ATRNL1: variants seen among roughly 807,000 people sequenced by gnomAD.
ATRNL1 encodes the protein attractin-like protein 1.
ATRNL1 carries 95 observed loss-of-function variants against 182.7 expected under a neutral mutation model. The observed-to-expected ratio is 0.52, with a 90% CI of 0.44 to 0.62. ATRNL1 has a LOEUF of 0.62. Ranked by LOEUF, ATRNL1 falls within the 20% of genes least tolerant of loss-of-function variation. ATRNL1 has a pLI of 0.00. For synonymous variants in ATRNL1, 576 were observed against 568.3 expected (o/e 1.01, Z -0.19); for missense variants, 1,471 against 1,679.5 (o/e 0.88, Z 2.17).
intron 28 of ATRNL1, among the ~76,000 whole-genome samples, chr10:115,868,489 CT>C (rs1269982695): frequency 1.5e-4 from 23 of 152,310 alleles, no homozygotes; most frequent in Middle Eastern, 3.4e-3. Context: ...CGAGGGCCAT[CT>C]TTCTTTATCA....
At chr10:115,261,804 G>C in intron 10 of ATRNL1, among the ~76,000 whole-genome samples, 1 of 152,054 alleles carries the variant, frequency 6.6e-6, no homozygotes, top group East Asian at 1.9e-4. Flanking sequence ...TGAGGCAGGA[G>C]GATTGCTTGA....
chr10:115,796,583 A>G (rs1303311279), intron 27 of ATRNL1, among the ~76,000 whole-genome samples: 3 of 152,200 alleles, frequency 2.0e-5, no homozygotes, highest in Non-Finnish European at 4.4e-5. Context: ...GGTAGGTAGC[A>G]GTGCAATAAA....
intron 28 of ATRNL1, among the ~76,000 whole-genome samples, chr10:115,930,804 A>C (rs1953372709): frequency 6.6e-6 from 1 of 152,056 alleles, no homozygotes; most frequent in African/African-American, 2.4e-5. Flanking sequence ...GATTATTCTA[A>C]CTCTCTAGAA....
chr10:115,426,492 A>G (rs904069724), intron 21 of ATRNL1, among the ~76,000 whole-genome samples, 190 bp downstream of exon 21: 1 of 152,122 alleles, frequency 6.6e-6, no homozygotes, highest in Non-Finnish European at 1.5e-5. Flanking sequence ...CATTTTTTCT[A>G]CTCTGAGCAG....
intron 28 of ATRNL1, among the ~76,000 whole-genome samples, chr10:115,886,407 G>A (rs987589017): frequency 2.0e-5 from 3 of 152,094 alleles, no homozygotes; most frequent in East Asian, 1.9e-4. Context: ...CCAGCTACTC[G>A]GGAGGCAGAG....
intron 26 of ATRNL1, among the ~76,000 whole-genome samples, chr10:115,556,167 CATT>C (rs1159568709): frequency 4.6e-5 from 7 of 151,992 alleles, no homozygotes; most frequent in Non-Finnish European, 1.0e-4. Flanking sequence ...ATGACACAAT[CATT>C]ATTTGATGTA....
intron 28 of ATRNL1, among the ~76,000 whole-genome samples, chr10:115,870,406 A>G (rs1555105819): frequency 6.6e-6 from 1 of 152,236 alleles, no homozygotes; most frequent in African/African-American, 2.4e-5. Flanking sequence ...ATCCTTTTGC[A>G]TATGAAGGGC....
intron 26 of ATRNL1, among the ~76,000 whole-genome samples, chr10:115,578,227 G>A (rs1854848500): frequency 1.3e-5 from 2 of 151,770 alleles, no homozygotes; most frequent in South Asian, 4.1e-4. Context: ...TTCTCGTGAT[G>A]TCTCTGTCAG....
At chr10:115,633,479 A>G (rs1044811758) in intron 26 of ATRNL1, among the ~76,000 whole-genome samples, 3 of 152,210 alleles carry the variant, frequency 2.0e-5, no homozygotes, top group East Asian at 3.9e-4. Flanking sequence ...ATAAGAATTT[A>G]TAGTTATTTC....
intron 27 of ATRNL1, among the ~76,000 whole-genome samples, chr10:115,742,308 A>C (rs1948162374): frequency 6.6e-6 from 1 of 152,168 alleles, no homozygotes; most frequent in African/African-American, 2.4e-5. Flanking sequence ...AAAGCAGAGA[A>C]AGGATCAAGA....
chr10:115,258,424 T>G (rs575953976), intron 10 of ATRNL1, among the ~76,000 whole-genome samples: 19 of 152,164 alleles, frequency 1.2e-4, no homozygotes, highest in Non-Finnish European at 2.6e-4. Context: ...AACTTGTGCA[T>G]GCGTCATGAA....
Position 115,286,391 on chromosome 10 carries a change from A to C in ATRNL1, c.2409A>C (p.Thr803=). 1 of 1,524,152 alleles carries C rather than the reference A, an allele frequency of 6.6e-7. No homozygotes were observed. The allele number at this position is 1,524,152 out of a possible 1,614,324, so 94.4% of individuals were successfully genotyped here. The change falls in exon 15 of 29, where the codon ACA becomes ACC. Residue 803 remains threonine (T), a synonymous_variant. Coordinates refer to ENST00000355044, the MANE Select transcript of ATRNL1 (RefSeq NM_207303.4). ...TTCTGGATGAAATACAGAAGTATAC[A>C]CAACAGGTAACATTTCTACTTGTTT... ...EFVLDEIQKY[T]QQKVSPWVGL...
At chr10:115,473,540 C>A (rs1296322415) in intron 24 of ATRNL1, among the ~76,000 whole-genome samples, 1 of 151,108 alleles carries the variant, frequency 6.6e-6, no homozygotes, top group Non-Finnish European at 1.5e-5. Context: ...ATTTTCTTTT[C>A]TTGTAGTCTC....
intron 25 of ATRNL1, among the ~76,000 whole-genome samples, chr10:115,540,762 A>T (rs1481870681): frequency 1.1e-5 from 1 of 94,020 alleles, no homozygotes; most frequent in African/African-American, 3.7e-5. Context: ...CGTCTAAAAA[A>T]AAAAAAAAAA....
intron 5 of ATRNL1, among the ~76,000 whole-genome samples, chr10:115,132,870 A>G (rs1263589699): frequency 3.9e-5 from 6 of 152,108 alleles, no homozygotes; most frequent in Non-Finnish European, 8.8e-5. Context: ...ATTTTCTCCC[A>G]TTCTGTAGGT....
intron 20 of ATRNL1, among the ~76,000 whole-genome samples, chr10:115,403,171 C>G (rs1176648158): frequency 1.3e-5 from 2 of 150,474 alleles, no homozygotes. Context: ...GCCTTCTTTT[C>G]TAGAACAGAT....
chr10:115,302,109 A>G (rs1220372711), intron 17 of ATRNL1, 66 bp downstream of exon 17: 2 of 1,351,850 alleles, frequency 1.5e-6, no homozygotes, highest in South Asian at 3.2e-5. Context: ...TGTGATGTAA[A>G]GAAGAATTAA....
chr10:115,220,212 A>G (rs1849398881), intron 9 of ATRNL1, among the ~76,000 whole-genome samples: 1 of 152,198 alleles, frequency 6.6e-6, no homozygotes, highest in South Asian at 2.1e-4. Context: ...CTCTTCATCA[A>G]TAGTAAAGGG....
At chr10:115,633,047 C>CTGTAAT (rs1858619838) in intron 26 of ATRNL1, among the ~76,000 whole-genome samples, 5 of 151,964 alleles carry the variant, frequency 3.3e-5, no homozygotes, top group Non-Finnish European at 7.4e-5. Flanking sequence ...CATGCACTGC[C>CTGTAAT]ACACCCGGGT....
Sources: allele counts gnomAD v4.1 joint callset (sites outside exome capture counted in the v4.1 genomes callset), GRCh38; gene constraint gnomAD v4.1.1; transcripts MANE v1.5; gene names NCBI Gene and HGNC (gene_info 2026-07-23, HGNC 2026-07-21).